Variants in PRORP observed in about 807,000 individuals in gnomAD.
The protein encoded by PRORP is protein only RNase P catalytic subunit.
PRORP carries 51 observed loss-of-function variants against 59.4 expected under a neutral mutation model. The observed-to-expected ratio is 0.86, with a 90% CI of 0.69 to 1.08. The LOEUF is 1.08. Ranked by LOEUF, PRORP falls within the 50% of genes least tolerant of loss-of-function variation. PRORP has a pLI of 0.00. For missense variants in PRORP, 646 were observed against 690.3 expected, an observed-to-expected ratio of 0.94 and a Z score of 0.72; for synonymous variants, 231 against 245.6, an observed-to-expected ratio of 0.94 and a Z score of 0.55.
At chr14:35,264,815 T>C (rs1488807734) in intron 5 of PRORP, among the ~76,000 whole-genome samples, 2 of 152,010 alleles carry the variant, frequency 1.3e-5, no homozygotes, top group Non-Finnish European at 2.9e-5. Flanking sequence ...CCGTCTCTGC[T>C]AAAAATACAA....
At chr14:35,251,280 A>G (rs918437872) in intron 5 of PRORP, among the ~76,000 whole-genome samples, 9 of 152,208 alleles carry the variant, frequency 5.9e-5, no homozygotes, top group Admixed American at 4.6e-4. Flanking sequence ...ATTGATGGGC[A>G]TGGAAGTCAT....
At chr14:35,157,979 G>A (rs1014616140) in intron 4 of PRORP, 1 of 210,996 alleles carries the variant, frequency 4.7e-6, no homozygotes, top group African/African-American at 2.3e-5. Flanking sequence ...GAGCTTCCCA[G>A]TTTGCATCCT....
intron 5 of PRORP, among the ~76,000 whole-genome samples, chr14:35,231,870 CAG>C (rs2050090199): frequency 6.6e-6 from 1 of 152,102 alleles, no homozygotes. Flanking sequence ...ATAAATAAAA[CAG>C]AATGAAAGTC....
At chr14:35,271,968 G>A (rs2051201841) in intron 7 of PRORP, among the ~76,000 whole-genome samples, 1 of 151,922 alleles carries the variant, frequency 6.6e-6, no homozygotes, top group African/African-American at 2.4e-5. Context: ...AAAGGTTTCA[G>A]TGAGCCAAGA....
intron 5 of PRORP, among the ~76,000 whole-genome samples, chr14:35,245,538 G>A (rs2050462511): frequency 6.6e-6 from 1 of 152,122 alleles, no homozygotes; most frequent in Admixed American, 6.5e-5. Flanking sequence ...CCAGCTACTT[G>A]GGGGGCTGAG....
At chr14:35,147,894 A>G (rs1222316012) in intron 4 of PRORP, among the ~76,000 whole-genome samples, 1 of 152,206 alleles carries the variant, frequency 6.6e-6, no homozygotes, top group Non-Finnish European at 1.5e-5. Context: ...ATTTCAAGAA[A>G]CCACTTTCTT....
chr14:35,230,321 G>A (rs2050044803), intron 5 of PRORP, among the ~76,000 whole-genome samples: 1 of 152,128 alleles, frequency 6.6e-6, no homozygotes, highest in South Asian at 2.1e-4. Flanking sequence ...CAAGGTATTG[G>A]GATTACAGGC....
rs545679990 is a variant in PRORP, at chr14:35,144,721, G to A, written c.1167+17110G>A. On this transcript the variant is annotated intron_variant, in intron 4 of 7. Coordinates refer to ENST00000534898, the MANE Select transcript of PRORP (RefSeq NM_014672.4). ...AATGAGAGTGAAAAAGGCATATAAC[G>A]TCTTAGCATTATGAAAATAGTTTTA... Among the ~76,000 whole-genome samples, 13 of 146,098 alleles carry A rather than the reference G, an allele frequency of 8.9e-5. 1 individual carries two copies. The highest frequency in any genetic ancestry group is 2.2e-4 in the African/African-American group (9 of 41,222).
intron 5 of PRORP, among the ~76,000 whole-genome samples, chr14:35,247,900 A>C (rs1040377613): frequency 1.5e-4 from 23 of 152,188 alleles, no homozygotes; most frequent in African/African-American, 5.5e-4. Flanking sequence ...TCTGTCTTCT[A>C]GACAGCTTTG....
intron 5 of PRORP, among the ~76,000 whole-genome samples, chr14:35,220,227 A>G (rs1056833850): frequency 6.6e-6 from 1 of 152,172 alleles, no homozygotes; most frequent in African/African-American, 2.4e-5. Flanking sequence ...TCACTTTACA[A>G]CACTCCAAAC....
At chr14:35,150,218 G>A (rs189713027) in intron 4 of PRORP, among the ~76,000 whole-genome samples, 6 of 152,312 alleles carry the variant, frequency 3.9e-5, no homozygotes, top group Admixed American at 1.3e-4. Flanking sequence ...GTGTAAGACC[G>A]GAGACTCTTC....
chr14:35,266,585 G>A (rs564003064), intron 5 of PRORP, 142 bp from the exon 6 acceptor site: 2 of 850,152 alleles, frequency 2.4e-6, no homozygotes, highest in Admixed American at 2.6e-5. Flanking sequence ...GGCTTTCAAA[G>A]ATGGGAAATT....
At chr14:35,205,795 C>G (rs988688599) in intron 5 of PRORP, among the ~76,000 whole-genome samples, 1 of 152,192 alleles carries the variant, frequency 6.6e-6, no homozygotes, top group South Asian at 2.1e-4. Context: ...TCACACCTCT[C>G]AGGGATGAAA....
At chr14:35,163,805 T>G (rs2048118477) in intron 4 of PRORP, among the ~76,000 whole-genome samples, 1 of 152,202 alleles carries the variant, frequency 6.6e-6, no homozygotes. Flanking sequence ...TTGTTTTTGT[T>G]GCAATTGCTC....
At chr14:35,257,454 A>G (rs1002434681) in intron 5 of PRORP, among the ~76,000 whole-genome samples, 1 of 152,076 alleles carries the variant, frequency 6.6e-6, no homozygotes, top group Non-Finnish European at 1.5e-5. Flanking sequence ...ATCATTCAGT[A>G]TTTGTCCTTT....
chr14:35,273,069 T>C (rs1481653297), intron 7 of PRORP, among the ~76,000 whole-genome samples: 2 of 152,214 alleles, frequency 1.3e-5, no homozygotes, highest in African/African-American at 2.4e-5. Flanking sequence ...TGTTTTCATA[T>C]ATTTTCAATC....
intron 5 of PRORP, among the ~76,000 whole-genome samples, chr14:35,212,577 A>G (rs1183363492): frequency 6.6e-6 from 1 of 152,176 alleles, no homozygotes; most frequent in East Asian, 1.9e-4. Flanking sequence ...GAACAGTAAT[A>G]TTTTGAAAGG....
At chr14:35,154,310 T>C (rs1268920634) in intron 4 of PRORP, among the ~76,000 whole-genome samples, 3 of 152,202 alleles carry the variant, frequency 2.0e-5, no homozygotes, top group Non-Finnish European at 4.4e-5. Flanking sequence ...CAAATCGTTG[T>C]TGAGGTTTTG....
intron 5 of PRORP, chr14:35,262,767 G>A (rs953721412): frequency 2.1e-5 from 24 of 1,140,754 alleles, no homozygotes; most frequent in African/African-American, 6.0e-5. Flanking sequence ...CATCAATGTC[G>A]TTATCCAGGA....
Sources: gnomAD v4.1 joint callset for allele counts (sites outside exome capture counted in the v4.1 genomes callset) on GRCh38, gnomAD v4.1.1 for gene constraint, MANE v1.5 for transcripts, NCBI Gene and HGNC (gene_info 2026-07-23, HGNC 2026-07-21) for gene names.